Variants in TMEM114 observed in about 807,000 individuals in gnomAD.
The protein encoded by TMEM114 is transmembrane protein 114.
In TMEM114, 6 loss-of-function variants were observed where a neutral mutation model predicts 6.2. The observed-to-expected ratio is 0.97, with a 90% CI of 0.53 to 1.91. The LOEUF is 1.91. TMEM114 is among the 40% of genes most tolerant of loss of function. The pLI is 0.01. For synonymous variants in TMEM114, 104 were observed against 73.0 expected, an observed-to-expected ratio of 1.42 and a Z score of -2.16; for missense variants, 218 against 158.3, an observed-to-expected ratio of 1.38 and a Z score of -2.02.
chr16:8,572,180 G>C lies in TMEM114; in HGVS notation c.346C>G (p.Leu116Val). Residue 116 changes from leucine to valine, a missense_variant, in exon 3 of 4, where the codon CTG (leucine) becomes GTG (valine). By Grantham distance (32) the Leu-to-Val change is conservative. Transcript: ENST00000620492. ...FVILLPLSLILMVFGGMTGFL... is the reference protein window; with the variant it reads ...FVILLPLSLIVMVFGGMTGFL... ...CCCGTCATCCCCCCAAAAACCATCA[G>C]GATCAGGCTGAGCGGCAGCAGAATC... The C allele has an allele frequency of 6.4e-7, 1 of 1,551,650 alleles. No individual in the cohort carries two copies. The highest frequency in any genetic ancestry group is 1.4e-5 in the African/African-American group (1 of 73,148).
At chr16:8,575,139 G>A (rs1901875793) in intron 2 of TMEM114, among the ~76,000 whole-genome samples, 1 of 152,162 alleles carries the variant, frequency 6.6e-6, no homozygotes, top group Non-Finnish European at 1.5e-5. Context: ...TTCAGAGTGA[G>A]GGGTTACAGT....
the TMEM114 span, among the ~76,000 whole-genome samples, chr16:8,528,287 G>C: frequency 6.6e-6 from 1 of 152,054 alleles, no homozygotes; most frequent in Non-Finnish European, 1.5e-5. Context: ...CTCTTTTGAA[G>C]GAATTCATAA....
rs1405438981 is a variant in TMEM114 at position 8,561,872 on chromosome 16, G to C, written n.213-24046C>G. 2.5e-4 allele frequency among the ~76,000 whole-genome samples: 31 copies of C among 122,070 alleles called. 1 individual carries two copies. In the East Asian group the frequency reaches 6.9e-3, roughly 27 times the overall value. The allele number at this position is 122,070 out of a possible 152,430, so 80.1% of individuals were successfully genotyped here. Reference sequence around the variant, plus strand: ...AATGAATGAGTGAGTGAGGGAATGAGTGAGTGAATGAGTGAGTGAATGAGT... The same window carrying C: ...AATGAATGAGTGAGTGAGGGAATGACTGAGTGAATGAGTGAGTGAATGAGT... On this transcript the variant is annotated intron_variant and non_coding_transcript_variant, in intron 2 of 2. Transcript: ENST00000623677.
chr16:8,548,770 A>G (rs1017659879), intron 2 of TMEM114, among the ~76,000 whole-genome samples: 5 of 151,790 alleles, frequency 3.3e-5, no homozygotes, highest in African/African-American at 9.7e-5. Flanking sequence ...AGAAATGACC[A>G]TGTGAAATAT....
downstream of TMEM114, among the ~76,000 whole-genome samples, chr16:8,537,044 A>G (rs1265868507): frequency 6.6e-6 from 1 of 152,056 alleles, no homozygotes; most frequent in Non-Finnish European, 1.5e-5. Context: ...TATGTCTACA[A>G]AAAATTTAAG....
At chr16:8,574,491 C>T (rs76716051) in intron 2 of TMEM114, among the ~76,000 whole-genome samples, 1 of 152,198 alleles carries the variant, frequency 6.6e-6, no homozygotes, top group Non-Finnish European at 1.5e-5. Flanking sequence ...GACTGAACTT[C>T]CTCCCAAGGC....
downstream of TMEM114, among the ~76,000 whole-genome samples, chr16:8,536,432 G>C (rs1900362102): frequency 1.3e-5 from 2 of 152,120 alleles, no homozygotes; most frequent in Non-Finnish European, 2.9e-5. Context: ...TCTAAAATGA[G>C]AAGGTTGACT....
At chr16:8,550,562 C>T (rs1900807768) in intron 2 of TMEM114, among the ~76,000 whole-genome samples, 1 of 152,030 alleles carries the variant, frequency 6.6e-6, no homozygotes, top group African/African-American at 2.4e-5. Flanking sequence ...CCTGTAATCC[C>T]AGCGACTCTG....
intron 3 of TMEM114, 80 bp downstream of exon 3, chr16:8,572,007 T>A: frequency 1.4e-6 from 2 of 1,421,280 alleles, no homozygotes; most frequent in South Asian, 3.1e-5. Flanking sequence ...ATCCCCCTCG[T>A]TTGCTGAGGG....
chr16:8,581,449 G>C (rs7499503), intron 2 of TMEM114, among the ~76,000 whole-genome samples: 1 of 152,166 alleles, frequency 6.6e-6, no homozygotes, highest in African/African-American at 2.4e-5. Context: ...CCGATACTAA[G>C]AAGTGGACTT....
chr16:8,532,950 G>C (rs1174535597), downstream of TMEM114, among the ~76,000 whole-genome samples: 1 of 152,070 alleles, frequency 6.6e-6, no homozygotes. Flanking sequence ...ATAAAGAAAA[G>C]AAATATTCAT....
the TMEM114 span, among the ~76,000 whole-genome samples, chr16:8,531,474 C>G: frequency 6.6e-6 from 1 of 152,186 alleles, no homozygotes; most frequent in Non-Finnish European, 1.5e-5. Context: ...AGAGTTATCA[C>G]AAGGGAAGCC....
At chr16:8,528,811 C>T in the TMEM114 span, among the ~76,000 whole-genome samples, 1 of 152,340 alleles carries the variant, frequency 6.6e-6, no homozygotes, top group East Asian at 1.9e-4. Flanking sequence ...TCACTGAGCA[C>T]GCGCTCTGTG....
chr16:8,553,944 T>A (rs1299896224), intron 2 of TMEM114, among the ~76,000 whole-genome samples: 1 of 151,614 alleles, frequency 6.6e-6, no homozygotes, highest in Non-Finnish European at 1.5e-5. Flanking sequence ...AGTGGTGCAA[T>A]CTCAGCTCAC....
intron 2 of TMEM114, among the ~76,000 whole-genome samples, chr16:8,582,177 AC>A (rs776825677): frequency 5.9e-5 from 9 of 152,154 alleles, no homozygotes; most frequent in Non-Finnish European, 1.2e-4. Context: ...TTCAGCTTCC[AC>A]CGCGGGCATG....
At chr16:8,534,659 G>T (rs1280227938), downstream of TMEM114, among the ~76,000 whole-genome samples, 1 of 152,206 alleles carries the variant, frequency 6.6e-6, no homozygotes, top group East Asian at 1.9e-4. Context: ...GGATAGGTGA[G>T]CAATATGGTG....
At chr16:8,564,235 T>TAGTGAAAGAGTGAGTG (rs1901428601) in intron 2 of TMEM114, among the ~76,000 whole-genome samples, 1 of 48,694 alleles carries the variant, frequency 2.1e-5, no homozygotes, top group African/African-American at 1.2e-4. Flanking sequence ...ATGAGTGAGT[T>TAGTGAAAGAGTGAGTG]AGTGAATGAG....
chr16:8,560,891 A>T (rs1420906281), intron 2 of TMEM114, among the ~76,000 whole-genome samples: 1 of 152,152 alleles, frequency 6.6e-6, no homozygotes, highest in African/African-American at 2.4e-5. Context: ...AGAAAAAGAG[A>T]TTTAATGGAC....
At chr16:8,584,887 A>T (rs904315359) in intron 2 of TMEM114, among the ~76,000 whole-genome samples, 21 of 146,556 alleles carry the variant, frequency 1.4e-4, no homozygotes, top group African/African-American at 4.8e-4. Context: ...GCGCCATTGC[A>T]CTCCAGCCTG....
Sources: gnomAD v4.1 joint callset for allele counts (sites outside exome capture counted in the v4.1 genomes callset) on GRCh38, gnomAD v4.1.1 for gene constraint, MANE v1.5 for transcripts, NCBI Gene and HGNC (gene_info 2026-07-23, HGNC 2026-07-21) for gene names.